NLGN3: variants seen among roughly 807,000 people sequenced by gnomAD.
The protein encoded by NLGN3 is neuroligin-3.
In NLGN3, 11 loss-of-function variants were observed where a neutral mutation model predicts 42.9. That is an observed-to-expected ratio of 0.26 (90% confidence interval 0.16 to 0.42). The LOEUF (loss-of-function observed/expected upper bound fraction) is 0.42. Among genes scored for constraint, NLGN3 ranks in the 10% least tolerant of loss-of-function variants. The probability of loss-of-function intolerance (pLI) is 1.00; values close to 1 mark genes in which losing one functional copy is unlikely to be tolerated. For missense variants in NLGN3, 374 were observed against 733.8 expected (o/e 0.51, Z 5.67); for synonymous variants, 279 against 312.7 (o/e 0.89, Z 1.14).
chrX:71,155,411 G>T (rs764138540), intron 5 of NLGN3, 48 bp downstream of exon 5: 14 of 1,183,795 alleles, frequency 1.2e-5, no homozygotes, highest in Admixed American at 2.2e-5. Context: ...CTTCGCAAGG[G>T]GGGAGGAAAG....
At chrX:71,153,402 C>T (rs2092397596) in intron 3 of NLGN3, 75 bp from the exon 4 acceptor site, 12 of 1,047,172 alleles carry the variant, frequency 1.1e-5, no homozygotes, top group Non-Finnish European at 1.3e-6. Context: ...ACACTGCAGT[C>T]ATGCTGTTTT....
chrX:71,152,405 T>C (rs5981079), intron 3 of NLGN3, among the ~76,000 whole-genome samples: 57,361 of 108,233 alleles, frequency 0.53, 12,397 homozygotes, highest in African/African-American at 0.79. Context: ...TTTCTTCCCT[T>C]CCTTCCCCTT....
intron 1 of NLGN3, 22 bp from the exon 2 acceptor site, chrX:71,147,528 G>A (rs2092375145): frequency 1.3e-5 from 6 of 445,436 alleles, no homozygotes; most frequent in East Asian, 3.7e-5. Context: ...CTTGGATGAC[G>A]CATACTTCCC....
intron 5 of NLGN3, among the ~76,000 whole-genome samples, chrX:71,157,160 G>A (rs1215996236): frequency 9.0e-6 from 1 of 110,668 alleles, no homozygotes; most frequent in Non-Finnish European, 1.9e-5. Context: ...CTAACTAGGG[G>A]ACACGACCAT....
intron 5 of NLGN3, among the ~76,000 whole-genome samples, chrX:71,159,948 C>T (rs186644473): frequency 5.3e-4 from 49 of 92,426 alleles, no homozygotes; most frequent in African/African-American, 1.3e-3. Flanking sequence ...GTTGGCCAGG[C>T]TGGTCTCGAA....
chrX:71,146,147 T>TCACA (rs2092366863), intron 1 of NLGN3, among the ~76,000 whole-genome samples: 1 of 38,341 alleles, frequency 2.6e-5, no homozygotes, highest in African/African-American at 1.4e-4. Flanking sequence ...TCTCTCTCTC[T>TCACA]CTCTCTCACA....
chrX:71,158,442 CA>C (rs1343671326), intron 5 of NLGN3, among the ~76,000 whole-genome samples: 1 of 112,233 alleles, frequency 8.9e-6, no homozygotes, highest in Non-Finnish European at 1.9e-5. Context: ...AACAGATATG[CA>C]GACACATGTA....
intron 5 of NLGN3, among the ~76,000 whole-genome samples, chrX:71,163,845 G>C (rs1342466302): frequency 8.9e-6 from 1 of 112,075 alleles, no homozygotes; most frequent in Non-Finnish European, 1.9e-5. Flanking sequence ...AGAATGCTGA[G>C]TTCTGGACAT....
intron 1 of NLGN3, among the ~76,000 whole-genome samples, chrX:71,146,153 T>TCACACACACACACACACA (rs752225810): frequency 3.8e-5 from 1 of 26,345 alleles, no homozygotes; most frequent in Non-Finnish European, 7.0e-5. Context: ...TCTCTCTCTC[T>TCACACACACACACACACA]CACACACACA....
At chrX:71,154,140 A>C (rs1388113015) in intron 4 of NLGN3, among the ~76,000 whole-genome samples, 24 of 113,162 alleles carry the variant, frequency 2.1e-4, no homozygotes, top group Non-Finnish European at 3.8e-5. Flanking sequence ...TGCCAGGCTG[A>C]GGCCAGGACA....
At chrX:71,153,088 C>T (rs1341687284) in intron 3 of NLGN3, among the ~76,000 whole-genome samples, 1 of 112,351 alleles carries the variant, frequency 8.9e-6, no homozygotes, top group African/African-American at 3.2e-5. Flanking sequence ...CTCTCCAGCT[C>T]GACCTGCCTG....
chrX:71,172,142 G>C (rs1363258467), downstream of NLGN3, among the ~76,000 whole-genome samples: 1 of 111,799 alleles, frequency 8.9e-6, no homozygotes, highest in Admixed American at 9.5e-5. Context: ...TTAAAAAGAA[G>C]AAGAACTGGG....
intron 3 of NLGN3, among the ~76,000 whole-genome samples, chrX:71,150,176 A>G (rs1415824557): frequency 9.0e-6 from 1 of 111,409 alleles, no homozygotes; most frequent in Non-Finnish European, 1.9e-5. Flanking sequence ...CTCACACACC[A>G]TAGGCAATTG....
chrX:71,146,533 T>C (rs963522801), intron 1 of NLGN3, among the ~76,000 whole-genome samples: 1 of 111,567 alleles, frequency 9.0e-6, no homozygotes, highest in Non-Finnish European at 1.9e-5. Context: ...TGTGTCTGGA[T>C]ATTTACCTAT....
intron 3 of NLGN3, 27 bp downstream of exon 3, chrX:71,148,932 G>C: frequency 1.1e-6 from 1 of 915,513 alleles, no homozygotes; most frequent in Non-Finnish European, 1.5e-6. Flanking sequence ...CGGGGAGGGA[G>C]AGAGAGAGAG....
intron 3 of NLGN3, among the ~76,000 whole-genome samples, chrX:71,152,708 T>C (rs1468165475): frequency 9.0e-6 from 1 of 111,523 alleles, no homozygotes; most frequent in Non-Finnish European, 1.9e-5. Context: ...TTGTTTCTCT[T>C]CTATTTTTTT....
intron 4 of NLGN3, among the ~76,000 whole-genome samples, chrX:71,154,858 GC>G (rs2092403025): frequency 1.8e-5 from 2 of 111,716 alleles, no homozygotes; most frequent in Admixed American, 1.9e-4. Context: ...ACTCCTGGGT[GC>G]CCAGGGCAGC....
intron 4 of NLGN3, among the ~76,000 whole-genome samples, chrX:71,154,224 T>A (rs2092400513): frequency 8.8e-6 from 1 of 113,128 alleles, no homozygotes; most frequent in Non-Finnish European, 1.9e-5. Context: ...AGAAACAAGT[T>A]CTGTTTGCTC....
chrX:71,162,651 G>T lies in NLGN3; in HGVS notation c.728-1492G>T, dbSNP rs990861846. Among the ~76,000 whole-genome samples the T allele has an allele frequency of 3.6e-5, 4 of 112,189 alleles. No homozygotes were observed. In the East Asian group the frequency reaches 1.1e-3, roughly 31 times the overall value. On this transcript the variant is annotated intron_variant, in intron 5 of 7. Transcript: ENST00000358741. Reference sequence around the variant, plus strand: ...CTTTACATACTTAATTGTACCAGAGGTAAATTAATAACACACTTGAAGAGG... The same window carrying T: ...CTTTACATACTTAATTGTACCAGAGTTAAATTAATAACACACTTGAAGAGG...
Sources: gnomAD v4.1 joint callset for allele counts (sites outside exome capture counted in the v4.1 genomes callset) on GRCh38, gnomAD v4.1.1 for gene constraint, MANE v1.5 for transcripts, NCBI Gene and HGNC (gene_info 2026-07-23, HGNC 2026-07-21) for gene names.